The following SORL1 variants were observed in gnomAD, a reference collection of about 807,000 sequenced individuals.
The protein encoded by SORL1 is sortilin related receptor 1.
In SORL1, 127 loss-of-function variants were observed where a neutral mutation model predicts 273.7. The observed-to-expected ratio is 0.46, with a 90% CI of 0.40 to 0.54. SORL1 has a LOEUF of 0.54. Among genes scored for constraint, SORL1 ranks in the 20% least tolerant of loss-of-function variants. The probability of loss-of-function intolerance (pLI) is 0.00; values close to 1 mark genes in which losing one functional copy is unlikely to be tolerated. For synonymous variants in SORL1, 1,031 were observed against 1,067.4 expected (o/e 0.97, Z 0.66); for missense variants, 2,494 against 2,846.1 (o/e 0.88, Z 2.81).
chr11:121,452,489 G>C lies in SORL1; in HGVS notation c.158G>C (p.Gly53Ala). 1 of 1,486,250 alleles carries C rather than the reference G, an allele frequency of 6.7e-7. No homozygotes were observed. The highest frequency in any genetic ancestry group is 8.9e-7 in the Non-Finnish European group (1 of 1,120,560). The allele number at this position is 1,486,250 out of a possible 1,614,324, so 92.1% of individuals were successfully genotyped here. A position where few individuals can be genotyped will look rare whatever the true frequency, so the allele number is the denominator to read the frequency against. ...PQDRGFLVVQ[G>A]DPRELRLWAR... The stretch of plus-strand genomic sequence containing the variant: ...GACCGGGGCTTCCTCGTGGTGCAGG[G>C]CGACCCGCGCGAGCTGCGGCTGTGG... The change falls in exon 1 of 48, where the codon GGC becomes GCC. Residue 53 changes from glycine (G) to alanine (A), a missense_variant. By Grantham distance (60) the Gly-to-Ala change is moderately conservative. Transcript: ENST00000260197. This position sits in a 1 kb window ranked among gnomAD's most constrained non-coding sequence, Gnocchi z 5.3.
Position 121,578,850 on chromosome 11 carries a change from A to G in SORL1, c.3580+1450A>G, listed in dbSNP as rs1546324. Among the ~76,000 whole-genome samples the G allele has an allele frequency of 7.9e-5, 12 of 152,334 alleles. No individual in the cohort carries two copies. In the East Asian group the frequency reaches 1.7e-3, roughly 22 times the overall value. Reference sequence around the variant, plus strand: ...GCACCTCTGCTTCTGAAAAGACTGCAGGAAAATGCTTCTCTCTGTATATTA... The same window carrying G: ...GCACCTCTGCTTCTGAAAAGACTGCGGGAAAATGCTTCTCTCTGTATATTA... On this transcript the variant is annotated intron_variant, in intron 25 of 47. Transcript: ENST00000260197.
intron 12 of SORL1, among the ~76,000 whole-genome samples, chr11:121,534,913 A>G (rs1426593109): frequency 3.3e-5 from 5 of 152,150 alleles, no homozygotes; most frequent in Admixed American, 2.0e-4. Context: ...TTCATTTGGC[A>G]TTGATCATAT....
intron 26 of SORL1, 52 bp from the exon 27 acceptor site, chr11:121,586,170 G>A: frequency 7.0e-7 from 1 of 1,431,034 alleles, no homozygotes; most frequent in Non-Finnish European, 9.9e-7. Context: ...GTGTGTGAGT[G>A]CCTGCCTGTT....
At chr11:121,522,198 G>A (rs1003947599) in intron 9 of SORL1, among the ~76,000 whole-genome samples, 1 of 152,304 alleles carries the variant, frequency 6.6e-6, no homozygotes, top group Admixed American at 6.5e-5. Flanking sequence ...TTTGAAATAT[G>A]TCTCTGACTT....
chr11:121,526,320 ATCTG>A (rs1258541105), intron 11 of SORL1, among the ~76,000 whole-genome samples: 1 of 152,128 alleles, frequency 6.6e-6, no homozygotes, highest in African/African-American at 2.4e-5. Flanking sequence ...TGTCCCATTA[ATCTG>A]TCTGTCTTTT....
chr11:121,509,562 C>T (rs986919286), intron 6 of SORL1, among the ~76,000 whole-genome samples: 4 of 152,094 alleles, frequency 2.6e-5, no homozygotes, highest in Admixed American at 2.0e-4. Context: ...CCGCAACCTC[C>T]GCCTCCTGGG....
At chr11:121,503,752 C>G (rs1328505885) in intron 6 of SORL1, among the ~76,000 whole-genome samples, 3 of 152,148 alleles carry the variant, frequency 2.0e-5, no homozygotes, top group Non-Finnish European at 4.4e-5. Context: ...TATATCTACC[C>G]CTATGCCAGC....
chr11:121,528,973 C>A (rs1267097341), intron 11 of SORL1, among the ~76,000 whole-genome samples: 1 of 152,140 alleles, frequency 6.6e-6, no homozygotes, highest in African/African-American at 2.4e-5. Context: ...ATGGTAAGAT[C>A]TCCTACTATG....
At chr11:121,589,163 C>G (rs1160563839) in intron 28 of SORL1, 96 bp from the exon 29 acceptor site, 1 of 1,396,652 alleles carries the variant, frequency 7.2e-7, no homozygotes, top group East Asian at 2.3e-5. Context: ...TTTGCCAGAA[C>G]TCACTGCTGT....
At chr11:121,601,600 T>TA (rs10685241) in intron 32 of SORL1, among the ~76,000 whole-genome samples, 1 of 151,084 alleles carries the variant, frequency 6.6e-6, no homozygotes, top group Non-Finnish European at 1.5e-5. Context: ...TTTTTTTTTT[T>TA]AAGAAACAGG....
At position 121,595,558 on chromosome 11, in the gene SORL1, T is replaced by G. The variant is rs2134907773; in HGVS notation, c.4370-65T>G. On this transcript the variant is annotated intron_variant, in intron 31 of 47. Transcript: ENST00000260197. This position sits in a 1 kb window ranked among gnomAD's most constrained non-coding sequence, Gnocchi z 5.1. The stretch of plus-strand genomic sequence containing the variant: ...CACCGTAATCTCCTAGCATATTGAT[T>G]GGTTGCTGTTATTGGCCAGCTCCCT... The G allele has an allele frequency of 7.3e-7, 1 of 1,369,226 alleles. No individual in the cohort carries two copies. Among genetic ancestry groups the G allele is most frequent in the Non-Finnish European group, 1.0e-6 (1 of 993,258 alleles). The allele number at this position is 1,369,226 out of a possible 1,614,324, so 84.8% of individuals were successfully genotyped here.
intron 41 of SORL1, among the ~76,000 whole-genome samples, chr11:121,616,176 C>T (rs1863636901): frequency 6.6e-6 from 1 of 152,200 alleles, no homozygotes; most frequent in Admixed American, 6.5e-5. Context: ...ACTATCTCTC[C>T]AGAGTAGGGC....
At chr11:121,510,834 G>A (rs1389777295) in intron 6 of SORL1, among the ~76,000 whole-genome samples, 2 of 152,166 alleles carry the variant, frequency 1.3e-5, no homozygotes, top group Admixed American at 6.5e-5. Flanking sequence ...TAGCCACTGG[G>A]CACTCTGCAG....
At chr11:121,512,840 C>A (rs1001886442) in intron 6 of SORL1, among the ~76,000 whole-genome samples, 163 bp from the exon 7 acceptor site, 2 of 152,172 alleles carry the variant, frequency 1.3e-5, no homozygotes, top group East Asian at 3.8e-4. Flanking sequence ...CCCAAACTGC[C>A]CAGTGATGGC....
Position 121,595,381 on chromosome 11 carries a change from C to A in SORL1, c.4370-242C>A, listed in dbSNP as rs532300368. Among the ~76,000 whole-genome samples the A allele has an allele frequency of 6.6e-6, 1 of 152,248 alleles. No individual in the cohort carries two copies. The highest frequency in any genetic ancestry group is 2.1e-4 in the South Asian group (1 of 4,820). On this transcript the variant is annotated intron_variant, in intron 31 of 47. Transcript: ENST00000260197. This position sits in a 1 kb window ranked among gnomAD's most constrained non-coding sequence, Gnocchi z 5.1. ...CTTTCCAGCTCCCAAATCTCATTAT[C>A]CATGTCCTCGTGGATTTAGGTCTTT...
At chr11:121,462,915 G>A (rs1385914714) in intron 1 of SORL1, among the ~76,000 whole-genome samples, 2 of 152,212 alleles carry the variant, frequency 1.3e-5, no homozygotes, top group Non-Finnish European at 2.9e-5. Context: ...TATATAGTTA[G>A]TGCTTGATAA....
In SORL1 at chr11:121,488,054, C is replaced by G; in HGVS notation, c.551C>G (p.Ala184Gly). 2 of 1,614,138 alleles carry G rather than the reference C, an allele frequency of 1.2e-6. No homozygotes were observed. Among genetic ancestry groups the G allele is most frequent in the Non-Finnish European group, 1.7e-6 (2 of 1,180,024 alleles). The stretch of plus-strand genomic sequence containing the variant: ...CAGTACATCTTTGCAGACGCTTATG[C>G]CCAGTACCTCTGGATCACGTTTGAC... ...NKRYIFADAY[A>G]QYLWITFDFC... The change falls in exon 4 of 48, where the codon GCC becomes GGC. Residue 184 changes from alanine to glycine, a missense_variant. By Grantham distance (60) the Ala-to-Gly change is moderately conservative. This residue lies in a region of SORL1 where 710 missense variants were observed against 882.5 expected (regional missense o/e 0.80). Transcript: ENST00000260197.
At chr11:121,535,903 C>A (rs1461617680) in intron 12 of SORL1, among the ~76,000 whole-genome samples, 1 of 152,142 alleles carries the variant, frequency 6.6e-6, no homozygotes. Context: ...ACTGGGGATC[C>A]ACTTATTCGT....
intron 21 of SORL1, among the ~76,000 whole-genome samples, chr11:121,565,268 C>T (rs1862738870): frequency 6.6e-6 from 1 of 152,218 alleles, no homozygotes. Flanking sequence ...AATGTTTCAT[C>T]ATATGAACCT....
Sources: allele counts gnomAD v4.1 joint callset (sites outside exome capture counted in the v4.1 genomes callset), GRCh38; gene constraint gnomAD v4.1.1; regional missense constraint gnomAD v4.1.1; non-coding constraint Gnocchi (gnomAD v3.1); transcripts MANE v1.5; gene names NCBI Gene and HGNC (gene_info 2026-07-23, HGNC 2026-07-21).